The following PLCB1 variants were observed in gnomAD, a reference collection of about 807,000 sequenced individuals.
The protein encoded by PLCB1 is phospholipase C beta 1.
In PLCB1, 46 loss-of-function variants were observed where a neutral mutation model predicts 161.8. The observed-to-expected ratio is 0.28, with a 90% CI of 0.22 to 0.36. PLCB1 has a LOEUF of 0.36. Among genes scored for constraint, PLCB1 ranks in the 10% least tolerant of loss-of-function variants. PLCB1 has a pLI of 1.00. For missense variants in PLCB1, 1,016 were observed against 1,472.5 expected, an observed-to-expected ratio of 0.69 and a Z score of 5.07; for synonymous variants, 517 against 503.7, an observed-to-expected ratio of 1.03 and a Z score of -0.35.
At chr20:8,628,236 T>C in intron 3 of PLCB1, 58 bp from the exon 4 acceptor site, 6 of 1,273,416 alleles carry the variant, frequency 4.7e-6, no homozygotes, top group South Asian at 1.2e-5. Context: ...GTTGAAGTTA[T>C]GCTATCACGT....
intron 3 of PLCB1, among the ~76,000 whole-genome samples, chr20:8,578,582 A>G (rs1469748992): frequency 2.0e-5 from 3 of 152,220 alleles, no homozygotes; most frequent in Non-Finnish European, 2.9e-5. Context: ...GTCCTAACCA[A>G]TACTGTTTAA....
rs1364936811 is a variant in PLCB1 at position 8,317,697 on chromosome 20, G to T, written c.178-53685G>T. On this transcript the variant is annotated intron_variant, in intron 2 of 31. Transcript: ENST00000338037. ...TCCAATCCAGATTATTCTTAGTGCT[G>T]TTCAGAGTGGGAGGATCAACAGCCT... Among the ~76,000 whole-genome samples, 3 of 152,158 alleles carry T rather than the reference G, an allele frequency of 2.0e-5. No individual in the cohort carries two copies. The East Asian group carries it at 5.8e-4, about 29-fold the overall frequency.
At chr20:8,580,016 C>T (rs1986784024) in intron 3 of PLCB1, among the ~76,000 whole-genome samples, 1 of 152,018 alleles carries the variant, frequency 6.6e-6, no homozygotes, top group African/African-American at 2.4e-5. Context: ...GGTACCTGGC[C>T]CTGGGTGATG....
At chr20:8,175,732 A>C (rs1029002536) in intron 2 of PLCB1, among the ~76,000 whole-genome samples, 5 of 152,176 alleles carry the variant, frequency 3.3e-5, no homozygotes, top group African/African-American at 1.2e-4. Flanking sequence ...CTACAGACTG[A>C]GAGAAAGTGT....
At chr20:8,575,987 C>T (rs1476782029) in intron 3 of PLCB1, among the ~76,000 whole-genome samples, 1 of 152,178 alleles carries the variant, frequency 6.6e-6, no homozygotes, top group Non-Finnish European at 1.5e-5. Context: ...CATAAGTACT[C>T]TAGACCAATT....
At chr20:8,139,450 G>C (rs78208576) in intron 1 of PLCB1, among the ~76,000 whole-genome samples, 1,923 of 151,964 alleles carry the variant, frequency 0.013, 20 homozygotes, top group Non-Finnish European at 0.02. Flanking sequence ...TCTTTTTACT[G>C]AATTGACGTT....
At chr20:8,222,861 G>GT (rs1176333476) in intron 2 of PLCB1, among the ~76,000 whole-genome samples, 101 of 151,414 alleles carry the variant, frequency 6.7e-4, no homozygotes, top group Non-Finnish European at 5.9e-4. Flanking sequence ...TTATTACACA[G>GT]TTTTTTTTTA....
intron 2 of PLCB1, among the ~76,000 whole-genome samples, chr20:8,368,547 AAAAG>A (rs1371644480): frequency 6.6e-6 from 1 of 150,676 alleles, no homozygotes; most frequent in African/African-American, 2.4e-5. Context: ...AAAAAAAAAA[AAAAG>A]AAAAAGAAAA....
chr20:8,810,702 G>A (rs1282407200), intron 31 of PLCB1, among the ~76,000 whole-genome samples: 2 of 152,146 alleles, frequency 1.3e-5, no homozygotes, highest in African/African-American at 4.8e-5. Context: ...GGTGGCTCAT[G>A]CTTATAATCC....
At chr20:8,373,778 G>T (rs1986982366) in intron 3 of PLCB1, among the ~76,000 whole-genome samples, 1 of 152,188 alleles carries the variant, frequency 6.6e-6, no homozygotes, top group Non-Finnish European at 1.5e-5. Flanking sequence ...ATTTGGAAAT[G>T]TTTATGTCAG....
intron 18 of PLCB1, among the ~76,000 whole-genome samples, chr20:8,731,359 A>G (rs1439150114): frequency 6.6e-6 from 1 of 151,940 alleles, no homozygotes; most frequent in Non-Finnish European, 1.5e-5. Context: ...CTATTTTTAA[A>G]TGTACAAACT....
intron 31 of PLCB1, among the ~76,000 whole-genome samples, chr20:8,835,844 C>A (rs200220294): frequency 1.1e-5 from 1 of 89,800 alleles, no homozygotes; most frequent in Admixed American, 1.6e-4. Flanking sequence ...CAAACCACTT[C>A]AAAACTTAGT....
chr20:8,708,056 G>C (rs1316808029), intron 11 of PLCB1, among the ~76,000 whole-genome samples: 1 of 152,020 alleles, frequency 6.6e-6, no homozygotes, highest in East Asian at 1.9e-4. Context: ...ACTGCTAGTG[G>C]GTACATGGTT....
At chr20:8,391,788 T>TG (rs1987601255) in intron 3 of PLCB1, among the ~76,000 whole-genome samples, 3 of 11,678 alleles carry the variant, frequency 2.6e-4, no homozygotes, top group Admixed American at 1.0e-3. Context: ...TGTGTGTGTA[T>TG]ATATATATAT....
intron 31 of PLCB1, among the ~76,000 whole-genome samples, chr20:8,794,747 A>G (rs1284396271): frequency 2.0e-5 from 3 of 152,224 alleles, no homozygotes; most frequent in Admixed American, 2.0e-4. Context: ...ACCTTGATCA[A>G]CTTAGAAAAT....
At chr20:8,347,699 G>A (rs1355559093) in intron 2 of PLCB1, among the ~76,000 whole-genome samples, 5 of 152,144 alleles carry the variant, frequency 3.3e-5, no homozygotes, top group African/African-American at 1.2e-4. Context: ...TTCTTTTAGG[G>A]CTACTTATAA....
intron 23 of PLCB1, chr20:8,750,787 A>T: frequency 1.5e-6 from 2 of 1,292,338 alleles, no homozygotes; most frequent in Non-Finnish European, 2.1e-6. Context: ...CTTTCTGACA[A>T]TATTTGTCCT....
chr20:8,514,177 GC>G (rs1189681116), intron 3 of PLCB1, among the ~76,000 whole-genome samples: 1 of 151,758 alleles, frequency 6.6e-6, no homozygotes, highest in Admixed American at 6.6e-5. Context: ...GGTGGCTCAC[GC>G]CTGTAATTCT....
At position 8,311,917 on chromosome 20, in the gene PLCB1, C is replaced by A. The variant is rs112567521; in HGVS notation, c.178-59465C>A. Reference sequence around the variant, plus strand: ...GAGAAGACCTTGCATAATGTCTACACAGGAGGAGAGCAAGCCTTTAAACTC... The same window carrying A: ...GAGAAGACCTTGCATAATGTCTACAAAGGAGGAGAGCAAGCCTTTAAACTC... On this transcript the variant is annotated intron_variant, in intron 2 of 31. Transcript: ENST00000338037. Among the ~76,000 whole-genome samples the A allele has an allele frequency of 5.3e-5, 8 of 152,306 alleles. 2 individuals are homozygous for A. Among genetic ancestry groups the A allele is most frequent in the African/African-American group, 1.9e-4 (8 of 41,568 alleles).
Sources: gnomAD v4.1 joint callset for allele counts (sites outside exome capture counted in the v4.1 genomes callset) on GRCh38, gnomAD v4.1.1 for gene constraint, MANE v1.5 for transcripts, NCBI Gene and HGNC (gene_info 2026-07-23, HGNC 2026-07-21) for gene names.